The following ADARB1 variants were observed in gnomAD, a reference collection of about 807,000 sequenced individuals.
ADARB1 encodes double-stranded RNA-specific editase 1.
ADARB1 carries 10 observed loss-of-function variants against 52.4 expected under a neutral mutation model. The observed-to-expected ratio is 0.19, with a 90% confidence interval of 0.12 to 0.32. ADARB1 has a LOEUF of 0.32. ADARB1 is among the 10% of genes least tolerant of loss of function. The pLI, the probability that ADARB1 is intolerant of heterozygous loss-of-function variation, is 1.00. For synonymous variants in ADARB1, 349 were observed against 371.1 expected, an observed-to-expected ratio of 0.94 and a Z score of 0.68; for missense variants, 643 against 922.3, an observed-to-expected ratio of 0.70 and a Z score of 3.92.
rs1051397250 is a variant in ADARB1 at position 45,208,454 on chromosome 21, C to T, written c.1747+3718C>T. ...GGACCCAAGGGGGCTGGCAGCAGGC[C>T]CAGGTGTGTGGCAGGAAGAAGGCAG... On this transcript the variant is annotated intron_variant, in intron 9 of 10. Transcript: ENST00000348831. This position sits in a 1 kb window ranked among gnomAD's most constrained non-coding sequence, Gnocchi z 5.6. Among the ~76,000 whole-genome samples, 1 of 152,152 alleles carries T rather than the reference C, an allele frequency of 6.6e-6. No homozygotes were observed. The highest frequency in any genetic ancestry group is 2.4e-5 in the African/African-American group (1 of 41,434).
At chr21:45,085,830 A>G (rs566498635) in intron 1 of ADARB1, among the ~76,000 whole-genome samples, 1 of 152,356 alleles carries the variant, frequency 6.6e-6, no homozygotes, top group African/African-American at 2.4e-5. Context: ...CTGGTGTCAC[A>G]TGAACCTAAA....
At chr21:45,086,000 C>T (rs989812901) in intron 1 of ADARB1, among the ~76,000 whole-genome samples, 1 of 152,162 alleles carries the variant, frequency 6.6e-6, no homozygotes, top group Admixed American at 6.5e-5. Flanking sequence ...TGCTGGAAGC[C>T]CTTGCTGTAG....
chr21:45,076,158 T>C (rs76528216), intron 1 of ADARB1, among the ~76,000 whole-genome samples: 10,774 of 152,266 alleles, frequency 0.071, 573 homozygotes, highest in Admixed American at 0.16. Flanking sequence ...TGTATCCTTT[T>C]TGCCTGCTGA....
In ADARB1 at chr21:45,220,847, G is replaced by A. The variant is rs2092952112; in HGVS notation, c.1759G>A (p.Ala587Thr). 6.2e-7 allele frequency: 1 copy of A among 1,613,050 alleles called. No individual in the cohort carries two copies. The highest frequency in any genetic ancestry group is 1.1e-5 in the South Asian group (1 of 91,070). ...GTCTTCCGTTTCAGGCATCAGCAATGCAGAAGCACGGCAGCCAGGGAAGGC... is the reference window on the plus strand; with the variant it reads ...GTCTTCCGTTTCAGGCATCAGCAATACAGAAGCACGGCAGCCAGGGAAGGC... The part of the protein sequence containing the change: ...NKPLLSGISN[A>T]EARQPGKAPN... The change falls in exon 10 of 11, where the codon GCA becomes ACA. Residue 587 changes from alanine (A) to threonine (T), a missense_variant. Physicochemically the swap from Ala to Thr is moderately conservative, Grantham distance 58. This residue lies in a region of ADARB1 where 263 missense variants were observed against 475.8 expected (regional missense o/e 0.55). Transcript: ENST00000348831. The surrounding 1 kb of genome is among the most constrained non-coding windows in gnomAD (Gnocchi z 6.3).
chr21:45,122,567 C>A (rs1444842909), intron 1 of ADARB1, among the ~76,000 whole-genome samples: 1 of 152,176 alleles, frequency 6.6e-6, no homozygotes, highest in African/African-American at 2.4e-5. Context: ...CCAGAGAAAG[C>A]TCTGGAAAGG....
chr21:45,110,249 AG>A (rs1158717632), intron 1 of ADARB1, among the ~76,000 whole-genome samples: 2 of 152,242 alleles, frequency 1.3e-5, no homozygotes, highest in African/African-American at 4.8e-5. Flanking sequence ...AGATAACCTC[AG>A]GGTAGCATGT....
At position 45,096,740 on chromosome 21, in the gene ADARB1, T is replaced by A. The variant is rs187496850; in HGVS notation, c.-220+21947T>A. ...AAGCCAGCTTGGGCTTCGGGAGGAA[T>A]TTTCTCCTCTCTTTATTTTTATTTT... On this transcript the variant is annotated intron_variant, in intron 1 of 10. Coordinates refer to ENST00000348831, the MANE Select transcript of ADARB1 (RefSeq NM_001112.4). Among the ~76,000 whole-genome samples the A allele has an allele frequency of 2.4e-3, 360 of 152,200 alleles. 1 individual carries two copies. Among genetic ancestry groups the A allele is most frequent in the Non-Finnish European group, 3.3e-3 (224 of 67,996 alleles).
intron 1 of ADARB1, among the ~76,000 whole-genome samples, chr21:45,102,027 G>A (rs2123735765): frequency 6.6e-6 from 1 of 152,192 alleles, no homozygotes; most frequent in South Asian, 2.1e-4. Flanking sequence ...TGGGACTGTG[G>A]GGCTACAGGC....
rs1298923311 is a variant in ADARB1 at position 45,225,608 on chromosome 21, C to T, written c.*3411C>T. 9.9e-6 allele frequency: 13 copies of T among 1,308,168 alleles called. No individual in the cohort carries two copies. In the East Asian group the frequency reaches 1.4e-4, roughly 14 times the overall value. The allele number at this position is 1,308,168 out of a possible 1,614,324, so 81.0% of individuals were successfully genotyped here. A position where few individuals can be genotyped will look rare whatever the true frequency, so the allele number is the denominator to read the frequency against. ...TGCACAGATCTGAGGATGGGATTAG[C>T]GAAGCTGTGGAGACTGCACATCCGG... On this transcript the variant is annotated 3_prime_UTR_variant, in exon 11 of 11. Coordinates refer to ENST00000348831, the MANE Select transcript of ADARB1 (RefSeq NM_001112.4).
At position 45,074,598 on chromosome 21, in the gene ADARB1, T is replaced by TGGCGGCGGC. The variant is rs920665976; in HGVS notation, c.-399_-391dup. On this transcript the variant is annotated 5_prime_UTR_variant, in exon 1 of 11. Coordinates refer to ENST00000348831, the MANE Select transcript of ADARB1 (RefSeq NM_001112.4). ...CGGGGCTGAGGCGCTGAGGCGGCCG[T>TGGCGGCGGC]GGCGGCGGCGGCGGCGGCGGCGGCA... 9.1e-3 allele frequency: 1,323 copies of TGGCGGCGGC among 145,356 alleles called. 13 individuals are homozygous for TGGCGGCGGC. The highest frequency in any genetic ancestry group is 0.013 in the Non-Finnish European group (863 of 66,902). 9.0% of individuals were successfully genotyped at this position (145,356 alleles called of 1,614,324 possible). A position where few individuals can be genotyped will look rare whatever the true frequency, so the allele number is the denominator to read the frequency against.
chr21:45,080,595 A>AC (rs773614868), intron 1 of ADARB1, among the ~76,000 whole-genome samples: 5 of 152,246 alleles, frequency 3.3e-5, no homozygotes, highest in Non-Finnish European at 5.9e-5. Context: ...CCAGCTTCTT[A>AC]CCAGCTTGTG....
intron 1 of ADARB1, among the ~76,000 whole-genome samples, chr21:45,120,464 GCACTTCTTCCGTCT>G (rs2145793458): frequency 6.6e-6 from 1 of 152,326 alleles, no homozygotes; most frequent in Admixed American, 6.5e-5. Flanking sequence ...GTGTGAAGCT[GCACTTCTTCCGTCT>G]CCTCCTGGCA....
At chr21:45,134,689 AT>A (rs11369444) in intron 2 of ADARB1, 33,792 of 390,896 alleles carry the variant, frequency 0.086, no homozygotes, top group Middle Eastern at 0.14. Flanking sequence ...ACTTGCACAG[AT>A]TTTTTTTTTT....
chr21:45,224,021 G>A lies in ADARB1; in HGVS notation c.*1824G>A, dbSNP rs983621777. The A allele has an allele frequency of 1.3e-5, 13 of 985,484 alleles. No individual in the cohort carries two copies. The highest frequency in any genetic ancestry group is 2.3e-4 in the East Asian group (2 of 8,796). 61.0% of individuals were successfully genotyped at this position (985,484 alleles called of 1,614,324 possible). On this transcript the variant is annotated 3_prime_UTR_variant, in exon 11 of 11. Transcript: ENST00000348831. ...GTGGGGTTTTGTTCAGGCAGATCGC[G>A]CTGGGGTTCTGCACCTGCAGAAGGA...
intron 8 of ADARB1, among the ~76,000 whole-genome samples, chr21:45,190,154 C>G (rs1431935932): frequency 6.6e-6 from 1 of 151,892 alleles, no homozygotes; most frequent in African/African-American, 2.4e-5. Flanking sequence ...TTTCTTTTTG[C>G]TCCTCTGACT....
At chr21:45,109,850 T>C (rs1032325942) in intron 1 of ADARB1, among the ~76,000 whole-genome samples, 2 of 152,226 alleles carry the variant, frequency 1.3e-5, no homozygotes, top group Non-Finnish European at 2.9e-5. Context: ...TTGAAAACTT[T>C]CTGTGTGCGG....
intron 1 of ADARB1, among the ~76,000 whole-genome samples, chr21:45,094,501 C>A (rs1386886093): frequency 6.6e-6 from 1 of 152,202 alleles, no homozygotes; most frequent in East Asian, 1.9e-4. Flanking sequence ...CTACCATCAG[C>A]CTCACTCACG....
chr21:45,170,865 G>C (rs764198743), intron 2 of ADARB1, among the ~76,000 whole-genome samples: 1 of 152,168 alleles, frequency 6.6e-6, no homozygotes, highest in Non-Finnish European at 1.5e-5. Context: ...TTAGTAACTA[G>C]AAATTGTAAT....
chr21:45,116,214 AGT>A (rs1222039527), intron 1 of ADARB1, among the ~76,000 whole-genome samples: 3 of 152,224 alleles, frequency 2.0e-5, no homozygotes, highest in Non-Finnish European at 4.4e-5. Context: ...GAACAGGATC[AGT>A]CTTGGAATTG....
Sources: gnomAD v4.1 joint callset for allele counts (sites outside exome capture counted in the v4.1 genomes callset) on GRCh38, gnomAD v4.1.1 for gene constraint, gnomAD v4.1.1 regional missense constraint, Gnocchi (gnomAD v3.1) non-coding constraint, MANE v1.5 for transcripts, NCBI Gene and HGNC (gene_info 2026-07-23, HGNC 2026-07-21) for gene names.